The following LHFPL2 variants were observed in gnomAD, a reference collection of about 807,000 sequenced individuals.
The protein encoded by LHFPL2 is LHFPL tetraspan subfamily member 2 protein.
Under a neutral mutation model 17.5 loss-of-function variants are expected in LHFPL2, and 7 were observed. The ratio of observed to expected loss-of-function variants is 0.40; its 90% CI spans 0.23 to 0.75. The LOEUF (loss-of-function observed/expected upper bound fraction) is 0.75. Among genes scored for constraint, LHFPL2 ranks in the 30% least tolerant of loss-of-function variants. The pLI, the probability that LHFPL2 is intolerant of heterozygous loss-of-function variation, is 0.37. For synonymous variants in LHFPL2, 134 were observed against 116.2 expected, an observed-to-expected ratio of 1.15 and a Z score of -0.99; for missense variants, 241 against 294.8, an observed-to-expected ratio of 0.82 and a Z score of 1.34.
At chr5:78,604,657 A>G (rs1425247685) in intron 2 of LHFPL2, among the ~76,000 whole-genome samples, 1 of 152,248 alleles carries the variant, frequency 6.6e-6, no homozygotes, top group Non-Finnish European at 1.5e-5. Context: ...TCATGACAAC[A>G]CTACATGCAA....
At position 78,489,281 on chromosome 5, in the gene LHFPL2, G is replaced by C. The variant is rs1345707202; in HGVS notation, c.431-128C>G. 6 of 1,017,506 alleles carry C rather than the reference G, an allele frequency of 5.9e-6. No individual in the cohort carries two copies. The East Asian group carries it at 1.5e-4, about 25-fold the overall frequency. The allele number at this position is 1,017,506 out of a possible 1,614,324, so 63.0% of individuals were successfully genotyped here. ...TCTATTCTGCAATAGAAAGTGTTGG[G>C]ACTGTTTCATGCAAACTAATCTGAC... is the stretch of plus-strand genomic sequence containing the variant. On this transcript the variant is annotated intron_variant, in intron 4 of 4. Coordinates refer to ENST00000380345, the MANE Select transcript of LHFPL2 (RefSeq NM_005779.3).
chr5:78,556,657 A>C (rs374004668), intron 3 of LHFPL2, among the ~76,000 whole-genome samples: 1 of 152,342 alleles, frequency 6.6e-6, no homozygotes, highest in East Asian at 1.9e-4. Flanking sequence ...AAATGGTTTA[A>C]GATATACATC....
intron 1 of LHFPL2, among the ~76,000 whole-genome samples, chr5:78,646,684 T>C (rs34313737): frequency 6.6e-6 from 1 of 152,310 alleles, no homozygotes; most frequent in Admixed American, 6.5e-5. Flanking sequence ...TTATATATTG[T>C]TTTTCTATCA....
chr5:78,510,082 C>T lies in LHFPL2; in HGVS notation c.132G>A (p.Val44=). 1.9e-6 allele frequency: 3 copies of T among 1,612,598 alleles called. No homozygotes were observed. The African/African-American group carries it at 4.0e-5, about 22-fold the overall frequency. ...AGCCCCCGCCCGGGCCCGCCGGCTC[C>T]ACGCCGCCGCGGCTCCTCGCTTTCC... The part of the protein sequence containing the change: ...LIGKARSRGG[V]EPAGPGGGSP... The change falls in exon 4 of 5, where the codon GTG becomes GTA. Residue 44 remains valine, a synonymous_variant. Coordinates refer to ENST00000380345, the MANE Select transcript of LHFPL2 (RefSeq NM_005779.3).
chr5:78,572,243 A>C (rs2112427499), intron 2 of LHFPL2, among the ~76,000 whole-genome samples: 1 of 151,840 alleles, frequency 6.6e-6, no homozygotes, highest in South Asian at 2.1e-4. Context: ...AAAGAGTGAG[A>C]TTACCCCCAG....
intron 2 of LHFPL2, among the ~76,000 whole-genome samples, chr5:78,619,128 C>T (rs939049337): frequency 6.6e-6 from 1 of 152,138 alleles, no homozygotes; most frequent in Non-Finnish European, 1.5e-5. Flanking sequence ...TGGGCTCAAA[C>T]GACCCTCCCA....
chr5:78,643,793 G>T (rs1409106216), intron 1 of LHFPL2, among the ~76,000 whole-genome samples: 2 of 152,204 alleles, frequency 1.3e-5, no homozygotes, highest in Non-Finnish European at 2.9e-5. Flanking sequence ...GGGCATGGTG[G>T]CTCACGCCTG....
intron 4 of LHFPL2, among the ~76,000 whole-genome samples, chr5:78,497,131 G>A (rs1754630863): frequency 6.6e-6 from 1 of 152,182 alleles, no homozygotes; most frequent in African/African-American, 2.4e-5. Context: ...GACATGTGCA[G>A]GCCAGAGACC....
intron 3 of LHFPL2, among the ~76,000 whole-genome samples, chr5:78,521,905 C>A (rs79722480): frequency 1.3e-5 from 2 of 152,108 alleles, no homozygotes; most frequent in African/African-American, 4.8e-5. Context: ...GCTGGCTATG[C>A]GGAGGAGAGC....
intron 2 of LHFPL2, among the ~76,000 whole-genome samples, chr5:78,589,234 G>A (rs1743538892): frequency 6.6e-6 from 1 of 152,142 alleles, no homozygotes; most frequent in Non-Finnish European, 1.5e-5. Flanking sequence ...ACTTTGGGAG[G>A]CTGAGGCAGG....
intron 2 of LHFPL2, among the ~76,000 whole-genome samples, chr5:78,582,975 T>C (rs1743205665): frequency 6.6e-6 from 1 of 152,220 alleles, no homozygotes; most frequent in South Asian, 2.1e-4. Context: ...TGCTCCTGTA[T>C]TGGGTGCATA....
In LHFPL2 at chr5:78,633,159, C is replaced by T. The variant is rs1360951980; in HGVS notation, c.-349-791G>A. ...AGGAGAATAAACTGGAAGGAGGCAA[C>T]GACACCCCATCTTAGCTGCCCCAAA... On this transcript the variant is annotated intron_variant, in intron 1 of 4. Coordinates refer to ENST00000380345, the MANE Select transcript of LHFPL2 (RefSeq NM_005779.3). Among the ~76,000 whole-genome samples the T allele has an allele frequency of 5.3e-5, 8 of 152,284 alleles. No individual in the cohort carries two copies. The South Asian group carries it at 1.2e-3, about 24-fold the overall frequency.
chr5:78,635,105 G>A (rs996046551), intron 1 of LHFPL2, among the ~76,000 whole-genome samples: 3 of 152,160 alleles, frequency 2.0e-5, no homozygotes, highest in South Asian at 2.1e-4. Flanking sequence ...GGTTTACTCC[G>A]ACAGCAGAGA....
intron 2 of LHFPL2, 56 bp downstream of exon 2, chr5:78,632,208 G>A (rs908630206): frequency 6.6e-6 from 1 of 152,114 alleles, no homozygotes; most frequent in East Asian, 1.9e-4. Context: ...TATTGAATGA[G>A]AACATCGGGT....
At chr5:78,498,925 C>G (rs1754690212) in intron 4 of LHFPL2, among the ~76,000 whole-genome samples, 2 of 152,212 alleles carry the variant, frequency 1.3e-5, no homozygotes, top group African/African-American at 4.8e-5. Context: ...GAGGCCTGAA[C>G]TACGATTCCA....
intron 2 of LHFPL2, among the ~76,000 whole-genome samples, chr5:78,567,420 C>T (rs756136331): frequency 1.3e-4 from 19 of 151,948 alleles, no homozygotes; most frequent in South Asian, 6.2e-4. Flanking sequence ...TATACTAAGT[C>T]ACAGAACCTT....
chr5:78,489,122 G>A lies in LHFPL2; in HGVS notation c.462C>T (p.Tyr154=). The change falls in exon 5 of 5, where the codon TAC becomes TAT. Residue 154 remains tyrosine (Y), a synonymous_variant. Transcript: ENST00000380345. ...GLFLILGLIL[Y]PAGWGCQKAI... ...CCTTCTGGCAACCCCAGCCAGCAGG[G>A]TAGAGTATCAAACCGAGGATAAGGA... 1 of 1,614,152 alleles carries A rather than the reference G, an allele frequency of 6.2e-7. No individual in the cohort carries two copies. The highest frequency in any genetic ancestry group is 8.5e-7 in the Non-Finnish European group (1 of 1,180,016).
In LHFPL2 at chr5:78,509,842, T is replaced by C. The variant is rs1294524807; in HGVS notation, c.372A>G (p.Val124=). ...AGATGCTTTTCTTCATGATGCTCTG[T>C]ACACACATGGTGAAGACGGACACCA... ...VALVSVFTMC[V]QSIMKKSIFN... is the part of the protein sequence containing the mutation. The change falls in exon 4 of 5, where the codon GTA becomes GTG. Residue 124 remains valine, a synonymous_variant. Coordinates refer to ENST00000380345, the MANE Select transcript of LHFPL2 (RefSeq NM_005779.3). 4.3e-6 allele frequency: 7 copies of C among 1,614,140 alleles called. No homozygotes were observed. The South Asian group carries it at 5.5e-5, about 13-fold the overall frequency.
At position 78,488,738 on chromosome 5, in the gene LHFPL2, C is replaced by T. The variant is rs906797204; in HGVS notation, c.*159G>A. On this transcript the variant is annotated 3_prime_UTR_variant, in exon 5 of 5. Transcript: ENST00000380345. ...GCAGACCGCATGTCCAGTAACTTTG[C>T]GTAGCTGGATGTGGCCTCTCATTGG... is the stretch of plus-strand genomic sequence containing the variant. 6.9e-6 allele frequency: 5 copies of T among 723,702 alleles called. No homozygotes were observed. Among genetic ancestry groups the T allele is most frequent in the African/African-American group, 3.6e-5 (2 of 56,310 alleles). The allele number at this position is 723,702 out of a possible 1,614,324, so 44.8% of individuals were successfully genotyped here.
Sources: allele counts gnomAD v4.1 joint callset (sites outside exome capture counted in the v4.1 genomes callset), GRCh38; gene constraint gnomAD v4.1.1; transcripts MANE v1.5; gene names NCBI Gene and HGNC (gene_info 2026-07-23, HGNC 2026-07-21).